Variants in RBL2 observed in about 807,000 individuals in gnomAD.
RBL2 encodes the protein RB transcriptional corepressor like 2.
A neutral mutation model predicts 126.0 loss-of-function variants in RBL2; 56 were observed. The observed-to-expected ratio is 0.44, with a 90% CI of 0.36 to 0.56. RBL2 has a LOEUF of 0.56. Ranked by LOEUF, RBL2 falls within the 20% of genes least tolerant of loss-of-function variation. The pLI, the probability that RBL2 is intolerant of heterozygous loss-of-function variation, is 0.00. For synonymous variants in RBL2, 454 were observed against 478.5 expected, an observed-to-expected ratio of 0.95 and a Z score of 0.67; for missense variants, 1,229 against 1,398.2, an observed-to-expected ratio of 0.88 and a Z score of 1.93.
At chr16:53,436,998 A>G (rs2057964792) in intron 1 of RBL2, among the ~76,000 whole-genome samples, 1 of 152,186 alleles carries the variant, frequency 6.6e-6, no homozygotes, top group Non-Finnish European at 1.5e-5. Context: ...AAATTCTCAC[A>G]AGACTAATTC....
At chr16:53,451,910 A>G in intron 5 of RBL2, 79 bp downstream of exon 5, 1 of 1,510,160 alleles carries the variant, frequency 6.6e-7, no homozygotes, top group Non-Finnish European at 9.1e-7. Flanking sequence ...CAGGTTTCCT[A>G]GCATCAGTAT....
At chr16:53,436,508 A>T (rs1220646978) in intron 1 of RBL2, among the ~76,000 whole-genome samples, 1 of 152,184 alleles carries the variant, frequency 6.6e-6, no homozygotes, top group Non-Finnish European at 1.5e-5. Flanking sequence ...CTTGCTACAC[A>T]TTGTTCTAGG....
At position 53,451,789 on chromosome 16, in the gene RBL2, C is replaced by A. The variant is rs370735742; in HGVS notation, c.724C>A (p.Gln242Lys). ...GGACTTAGTTTATGGAAATGCACTTCAGTGTTCTAATCGTAAAGAACTTGT... is the reference window on the plus strand; with the variant it reads ...GGACTTAGTTTATGGAAATGCACTTAAGTGTTCTAATCGTAAAGAACTTGT... The part of the protein sequence containing the change: ...ALDLVYGNAL[Q>K]CSNRKELVNP... Residue 242 changes from glutamine (Q) to lysine (K), a missense_variant, in exon 5 of 22, where the codon CAG (glutamine) becomes AAG (lysine). By Grantham distance (53) the Gln-to-Lys change is moderately conservative (BLOSUM62 1). Around this residue, in one of 2 missense-constraint regions of RBL2, gnomAD observed 1,070 missense variants for 1,274.3 expected, o/e 0.84. Transcript: ENST00000262133. 5.5e-5 allele frequency: 88 copies of A among 1,613,584 alleles called. No individual in the cohort carries two copies. Among genetic ancestry groups the A allele is most frequent in the Non-Finnish European group, 7.0e-5 (83 of 1,179,760 alleles).
intron 19 of RBL2, chr16:53,480,291 T>G: frequency 1.9e-6 from 1 of 522,462 alleles, no homozygotes; most frequent in Non-Finnish European, 3.4e-6. Context: ...ATCCCCTGCC[T>G]GTTGCTTTGT....
chr16:53,459,977 G>T (rs1413017586), intron 9 of RBL2, among the ~76,000 whole-genome samples: 3 of 152,106 alleles, frequency 2.0e-5, no homozygotes, highest in Non-Finnish European at 2.9e-5. Flanking sequence ...GAAGAGGGTT[G>T]AACCTGAGGT....
At chr16:53,483,791 C>T (rs776569762) in intron 21 of RBL2, among the ~76,000 whole-genome samples, 2 of 150,950 alleles carry the variant, frequency 1.3e-5, no homozygotes, top group East Asian at 4.0e-4. Flanking sequence ...TACTCAGAAT[C>T]GCTTGAATCC....
intron 17 of RBL2, among the ~76,000 whole-genome samples, chr16:53,477,733 C>T (rs1179971427): frequency 6.6e-6 from 1 of 152,044 alleles, no homozygotes; most frequent in East Asian, 1.9e-4. Flanking sequence ...TCCTGCCTAC[C>T]TCCTTTGTAC....
intron 17 of RBL2, among the ~76,000 whole-genome samples, chr16:53,472,788 A>G (rs974124372): frequency 2.0e-5 from 3 of 152,156 alleles, no homozygotes; most frequent in African/African-American, 7.2e-5. Flanking sequence ...TGGGTGTCCT[A>G]AGAATCCATT....
intron 1 of RBL2, among the ~76,000 whole-genome samples, chr16:53,436,031 G>T (rs1357264015): frequency 6.6e-6 from 1 of 152,130 alleles, no homozygotes; most frequent in Admixed American, 6.5e-5. Flanking sequence ...GCACCCATAT[G>T]GACAGTGTTT....
chr16:53,437,113 CATTATAG>C (rs1015889510), intron 1 of RBL2, among the ~76,000 whole-genome samples: 1 of 151,014 alleles, frequency 6.6e-6, no homozygotes, highest in African/African-American at 2.4e-5. Context: ...CAAAATAGAA[CATTATAG>C]ATTATCTTTT....
rs577030127 is a variant in RBL2 at position 53,468,137 on chromosome 16, G to A, written c.1975+968G>A. On this transcript the variant is annotated intron_variant, in intron 14 of 21. Coordinates refer to ENST00000262133, the MANE Select transcript of RBL2 (RefSeq NM_005611.4). ...TAAAGAGCAATTCAGTAAATCCAGA[G>A]AGTTCTAAATCCTTGGATCCAATTA... Among the ~76,000 whole-genome samples the A allele has an allele frequency of 6.6e-5, 10 of 152,300 alleles. No individual in the cohort carries two copies. In the East Asian group the frequency reaches 1.3e-3, roughly 21 times the overall value.
intron 4 of RBL2, 128 bp downstream of exon 4, chr16:53,447,234 T>G: frequency 2.0e-6 from 1 of 492,818 alleles, no homozygotes; most frequent in Non-Finnish European, 3.6e-6. Context: ...GTTTTAATCC[T>G]AGATTCTTTT....
chr16:53,463,032 G>T (rs1255836700), intron 11 of RBL2, among the ~76,000 whole-genome samples: 2 of 152,076 alleles, frequency 1.3e-5, no homozygotes, highest in East Asian at 3.9e-4. Context: ...GTAGAGATGG[G>T]GTTTTGCCAT....
intron 8 of RBL2, among the ~76,000 whole-genome samples, chr16:53,457,277 T>TTTTG (rs1213898728): frequency 2.9e-5 from 4 of 139,884 alleles, no homozygotes; most frequent in Non-Finnish European, 6.2e-5. Flanking sequence ...TTTTTTTTTT[T>TTTTG]GAGATGGAGT....
At chr16:53,436,755 A>G (rs552570901) in intron 1 of RBL2, among the ~76,000 whole-genome samples, 1 of 152,248 alleles carries the variant, frequency 6.6e-6, no homozygotes, top group Non-Finnish European at 1.5e-5. Context: ...ACTGTTAAGT[A>G]ATTTCCCCAC....
At chr16:53,452,919 C>T (rs2058129351) in intron 5 of RBL2, among the ~76,000 whole-genome samples, 1 of 152,158 alleles carries the variant, frequency 6.6e-6, no homozygotes, top group Admixed American at 6.5e-5. Context: ...ATGTACCCAC[C>T]TTGGCCTCCC....
At chr16:53,484,476 A>G (rs1961082264) in intron 21 of RBL2, among the ~76,000 whole-genome samples, 1 of 152,252 alleles carries the variant, frequency 6.6e-6, no homozygotes, top group East Asian at 1.9e-4. Flanking sequence ...ATAAAAATGT[A>G]TATCCATAAA....
chr16:53,488,362 A>T (rs1961257714), intron 21 of RBL2: 1 of 152,230 alleles, frequency 6.6e-6, no homozygotes, highest in Non-Finnish European at 1.5e-5. Flanking sequence ...GGACAAGAAC[A>T]TCAGTGGTGG....
chr16:53,489,118 ACT>A (rs1277341670), intron 21 of RBL2: 4 of 152,132 alleles, frequency 2.6e-5, no homozygotes, highest in Non-Finnish European at 4.4e-5. Flanking sequence ...AATAAAGAAC[ACT>A]GATTTTCATT....
Sources: gnomAD v4.1 joint callset for allele counts (sites outside exome capture counted in the v4.1 genomes callset) on GRCh38, gnomAD v4.1.1 for gene constraint, gnomAD v4.1.1 regional missense constraint, MANE v1.5 for transcripts, NCBI Gene and HGNC (gene_info 2026-07-23, HGNC 2026-07-21) for gene names.